Variants in WHRN observed in about 807,000 individuals in gnomAD.
WHRN encodes the protein CASK-interacting protein CIP98.
WHRN carries 41 observed loss-of-function variants against 68.3 expected under a neutral mutation model. The ratio of observed to expected loss-of-function variants is 0.60; its 90% CI spans 0.47 to 0.78. The LOEUF (loss-of-function observed/expected upper bound fraction) is 0.78. Among genes scored for constraint, WHRN ranks in the 30% least tolerant of loss-of-function variants. The probability of loss-of-function intolerance (pLI) is 0.00; values close to 1 mark genes in which losing one functional copy is unlikely to be tolerated. For synonymous variants in WHRN, 560 were observed against 561.3 expected, an observed-to-expected ratio of 1.00 and a Z score of 0.03; for missense variants, 1,243 against 1,244.7, an observed-to-expected ratio of 1.00 and a Z score of 0.02.
intron 3 of WHRN, among the ~76,000 whole-genome samples, chr9:114,465,936 C>G (rs1288373775): frequency 6.6e-6 from 1 of 152,186 alleles, no homozygotes; most frequent in African/African-American, 2.4e-5. Flanking sequence ...TGAAGCTGCC[C>G]AGGGCACCCC....
chr9:114,489,950 T>C (rs974430412), intron 1 of WHRN, among the ~76,000 whole-genome samples: 1 of 152,234 alleles, frequency 6.6e-6, no homozygotes, highest in Admixed American at 6.5e-5. Context: ...CCAAAAATTG[T>C]TATTCTTATA....
chr9:114,409,865 C>T (rs77685534), intron 7 of WHRN, among the ~76,000 whole-genome samples: 5,314 of 152,040 alleles, frequency 0.035, 99 homozygotes, highest in Non-Finnish European at 0.049. Context: ...TCTCATTGAT[C>T]ACCATCTCCA....
Position 114,472,805 on chromosome 9 carries a change from A to G in WHRN, c.837+5748T>C, listed in dbSNP as rs2133060266. Among the ~76,000 whole-genome samples, 3 of 152,292 alleles carry G rather than the reference A, an allele frequency of 2.0e-5. 1 individual carries two copies. The South Asian group carries it at 6.2e-4, about 32-fold the overall frequency. On this transcript the variant is annotated intron_variant, in intron 2 of 11. Coordinates refer to ENST00000362057, the MANE Select transcript of WHRN (RefSeq NM_015404.4). ...ACGGTTGTTGCTGGAATTCATTACT[A>G]TGTCCAGGCACTGTGCTCTGTGCTT...
chr9:114,496,542 A>C lies in WHRN; in HGVS notation c.618+7642T>G, dbSNP rs191014229. ...TAAAAAAATCCAACCAACCAACCAAACAAACAAACAAAAAAACTAAGCAGG... is the reference window on the plus strand; with the variant it reads ...TAAAAAAATCCAACCAACCAACCAACCAAACAAACAAAAAAACTAAGCAGG... On this transcript the variant is annotated intron_variant, in intron 1 of 11. Coordinates refer to ENST00000362057, the MANE Select transcript of WHRN (RefSeq NM_015404.4). 4.3e-3 allele frequency among the ~76,000 whole-genome samples: 624 copies of C among 145,610 alleles called. 7 individuals carry two copies. Among genetic ancestry groups the C allele is most frequent in the African/African-American group, 0.014 (557 of 38,658 alleles).
At chr9:114,433,229 A>C (rs1047590254) in intron 3 of WHRN, among the ~76,000 whole-genome samples, 11 of 152,192 alleles carry the variant, frequency 7.2e-5, no homozygotes, top group Non-Finnish European at 1.6e-4. Flanking sequence ...TGCCCGATGA[A>C]GGGAACTGGC....
chr9:114,498,970 A>G (rs2133403682), intron 1 of WHRN, among the ~76,000 whole-genome samples: 1 of 152,316 alleles, frequency 6.6e-6, no homozygotes, highest in Middle Eastern at 3.4e-3. Context: ...GTAAAGTGCA[A>G]GTGCAATGTA....
chr9:114,487,020 T>C (rs1432616233), intron 1 of WHRN, among the ~76,000 whole-genome samples: 3 of 106,014 alleles, frequency 2.8e-5, no homozygotes, highest in African/African-American at 1.2e-4. Flanking sequence ...ATATATATAG[T>C]GTTTAGCACC....
intron 7 of WHRN, among the ~76,000 whole-genome samples, chr9:114,418,947 C>G (rs1367734711): frequency 6.6e-6 from 1 of 152,194 alleles, no homozygotes; most frequent in African/African-American, 2.4e-5. Flanking sequence ...TTGGTGTTCA[C>G]CACTGTATCC....
chr9:114,447,938 G>C (rs1838979135), intron 3 of WHRN, among the ~76,000 whole-genome samples: 1 of 152,084 alleles, frequency 6.6e-6, no homozygotes, highest in Admixed American at 6.6e-5. Flanking sequence ...AAACTCTCAG[G>C]CTCCATCCCA....
intron 7 of WHRN, among the ~76,000 whole-genome samples, chr9:114,414,134 A>G (rs1412351974): frequency 1.3e-5 from 2 of 152,168 alleles, no homozygotes; most frequent in Non-Finnish European, 2.9e-5. Context: ...CATTGCTAAC[A>G]GAAGCAACAA....
chr9:114,428,610 C>T lies in WHRN; in HGVS notation c.964-2197G>A, dbSNP rs548035094. ...CATCCAGGTCAGGCCAGCACCAAGG[C>T]CCCTCTGCTTTCTACTGCTGGGCTG... On this transcript the variant is annotated intron_variant, in intron 3 of 11. Transcript: ENST00000362057. Among the ~76,000 whole-genome samples the T allele has an allele frequency of 3.3e-5, 5 of 152,274 alleles. No homozygotes were observed. The South Asian group carries it at 8.3e-4, about 25-fold the overall frequency.
chr9:114,444,911 T>A (rs1353374215), intron 3 of WHRN, among the ~76,000 whole-genome samples: 1 of 152,044 alleles, frequency 6.6e-6, no homozygotes, highest in East Asian at 1.9e-4. Flanking sequence ...CCATATTATA[T>A]TCCATGTAGA....
chr9:114,441,855 G>A (rs1838402067), intron 3 of WHRN, among the ~76,000 whole-genome samples: 2 of 152,196 alleles, frequency 1.3e-5, no homozygotes, highest in African/African-American at 4.8e-5. Flanking sequence ...AATATTTACA[G>A]TCTCAAAATA....
At chr9:114,467,515 C>CG (rs887185074) in intron 2 of WHRN, among the ~76,000 whole-genome samples, 1 of 148,674 alleles carries the variant, frequency 6.7e-6, no homozygotes, top group East Asian at 2.0e-4. Flanking sequence ...AGTCAGCCGG[C>CG]GGGGGGGAAG....
intron 1 of WHRN, among the ~76,000 whole-genome samples, chr9:114,480,731 T>C (rs560591734): frequency 3.9e-5 from 6 of 152,342 alleles, no homozygotes; most frequent in Admixed American, 3.3e-4. Flanking sequence ...TATGCTGCCA[T>C]TGAAATCCTA....
At chr9:114,421,637 G>T (rs1049815207) in intron 7 of WHRN, among the ~76,000 whole-genome samples, 3 of 152,222 alleles carry the variant, frequency 2.0e-5, no homozygotes, top group Non-Finnish European at 4.4e-5. Flanking sequence ...GGCTGCTGAG[G>T]CCTGAACATT....
At chr9:114,492,018 A>G (rs1317286524) in intron 1 of WHRN, among the ~76,000 whole-genome samples, 1 of 62,464 alleles carries the variant, frequency 1.6e-5, no homozygotes, top group Non-Finnish European at 6.2e-5. Context: ...GTAATTTGAA[A>G]AAAAAAAAAA....
At chr9:114,441,561 T>C (rs1308777695) in intron 3 of WHRN, among the ~76,000 whole-genome samples, 3 of 152,128 alleles carry the variant, frequency 2.0e-5, no homozygotes, top group Non-Finnish European at 4.4e-5. Context: ...TCTTCTTGAG[T>C]CAGAAAGTAA....
intron 7 of WHRN, among the ~76,000 whole-genome samples, chr9:114,413,611 G>C (rs916385134): frequency 2.6e-5 from 4 of 152,174 alleles, no homozygotes; most frequent in African/African-American, 4.8e-5. Context: ...GGGCCAAAGG[G>C]AAAGGTCAGA....
Sources: allele counts gnomAD v4.1 joint callset (sites outside exome capture counted in the v4.1 genomes callset), GRCh38; gene constraint gnomAD v4.1.1; transcripts MANE v1.5; gene names NCBI Gene and HGNC (gene_info 2026-07-23, HGNC 2026-07-21).